EFCAB3: variants seen among roughly 807,000 people sequenced by gnomAD.
EFCAB3 encodes EF-hand calcium binding domain 3.
Under a neutral mutation model 42.2 loss-of-function variants are expected in EFCAB3, and 36 were observed. The observed-to-expected ratio is 0.85, with a 90% CI of 0.65 to 1.13. The LOEUF (loss-of-function observed/expected upper bound fraction) is 1.13, where lower values mean the gene tolerates loss of function less well. Ranked by LOEUF, EFCAB3 falls within the 50% of genes most tolerant of loss-of-function variation. EFCAB3 has a pLI of 0.00. For synonymous variants in EFCAB3, 170 were observed against 172.8 expected (o/e 0.98, Z 0.13); for missense variants, 418 against 505.1 (o/e 0.83, Z 1.65).
intron 2 of EFCAB3, among the ~76,000 whole-genome samples, chr17:62,385,963 G>A (rs1026235026): frequency 2.0e-5 from 3 of 150,672 alleles, no homozygotes; most frequent in African/African-American, 4.9e-5. Flanking sequence ...TCCTGACCTC[G>A]TGATCCACCC....
intron 6 of EFCAB3, among the ~76,000 whole-genome samples, chr17:62,400,332 A>T (rs2070389902): frequency 6.6e-6 from 1 of 151,822 alleles, no homozygotes; most frequent in Non-Finnish European, 1.5e-5. Flanking sequence ...GCACCCATTA[A>T]CTCGTCATTT....
At chr17:62,412,857 T>C (rs1464129622) in intron 8 of EFCAB3, among the ~76,000 whole-genome samples, 1 of 151,776 alleles carries the variant, frequency 6.6e-6, no homozygotes, top group African/African-American at 2.4e-5. Flanking sequence ...AATAGAGCTA[T>C]GTGGAGAATT....
chr17:62,379,726 T>C (rs2144053098), upstream of EFCAB3, among the ~76,000 whole-genome samples: 1 of 152,284 alleles, frequency 6.6e-6, no homozygotes. Flanking sequence ...TACTTAGCCA[T>C]GATAGACTAA....
At chr17:62,395,837 T>G (rs1442978751) in intron 6 of EFCAB3, among the ~76,000 whole-genome samples, 2 of 152,224 alleles carry the variant, frequency 1.3e-5, no homozygotes, top group African/African-American at 2.4e-5. Flanking sequence ...TATCAGTCTT[T>G]TCAATTCATA....
chr17:62,394,252 C>T (rs2144083616), intron 5 of EFCAB3, among the ~76,000 whole-genome samples: 1 of 152,180 alleles, frequency 6.6e-6, no homozygotes, highest in African/African-American at 2.4e-5. Context: ...CACGCCCAGC[C>T]TATAATGTCT....
intron 6 of EFCAB3, among the ~76,000 whole-genome samples, chr17:62,401,748 C>A (rs912854192): frequency 6.6e-6 from 1 of 152,108 alleles, no homozygotes; most frequent in Admixed American, 6.6e-5. Context: ...GTTCTTTTTG[C>A]TTAGGATTGT....
intron 1 of EFCAB3, among the ~76,000 whole-genome samples, chr17:62,372,233 GCCTATATTTTCTT>G (rs1276841447): frequency 1.3e-5 from 2 of 150,882 alleles, no homozygotes; most frequent in African/African-American, 4.9e-5. Flanking sequence ...TTCCTTTTTT[GCCTATATTTTCTT>G]CCTCTTCTCT....
chr17:62,396,778 G>A (rs952274994), intron 6 of EFCAB3, among the ~76,000 whole-genome samples: 6 of 151,586 alleles, frequency 4.0e-5, no homozygotes, highest in African/African-American at 1.5e-4. Flanking sequence ...TGTAGTCCAA[G>A]CTATTCAAGA....
At chr17:62,411,630 G>A (rs923015605) in intron 8 of EFCAB3, among the ~76,000 whole-genome samples, 1 of 152,024 alleles carries the variant, frequency 6.6e-6, no homozygotes, top group Non-Finnish European at 1.5e-5. Flanking sequence ...AGTCAGGCAT[G>A]ATGGCACATG....
upstream of EFCAB3, chr17:62,377,917 T>G: frequency 6.9e-7 from 1 of 1,454,178 alleles, no homozygotes; most frequent in South Asian, 1.3e-5. Flanking sequence ...TAGTCTACTT[T>G]CCATAACTTC....
In EFCAB3 at chr17:62,407,121, A is replaced by G. The variant is rs1215209452; in HGVS notation, c.776A>G (p.Lys259Arg). 6.2e-7 allele frequency: 1 copy of G among 1,613,452 alleles called. No individual in the cohort carries two copies. Among genetic ancestry groups the G allele is most frequent in the South Asian group, 1.1e-5 (1 of 90,894 alleles). Residue 259 changes from lysine (K) to arginine (R), a missense_variant, in exon 8 of 10, where the codon AAA becomes AGA. Lys to Arg is a conservative substitution (Grantham distance 26). Coordinates refer to ENST00000305286, the MANE Select transcript of EFCAB3 (RefSeq NM_173503.4). Reference sequence around the variant, plus strand: ...GGGGTGGTGATGGGAAAGCCATTCAAAGACATGCAGAAATTAGAGATGCTA... The same window carrying G: ...GGGGTGGTGATGGGAAAGCCATTCAGAGACATGCAGAAATTAGAGATGCTA... Reference protein sequence around the residue: ...VDGVVMGKPFKDMQKLEMLRI... With the variant: ...VDGVVMGKPFRDMQKLEMLRI...
rs61764063 is a variant in EFCAB3 at position 62,391,928 on chromosome 17, T to C, written c.258T>C (p.His86=). The C allele has an allele frequency of 9.4e-3, 15,132 of 1,612,536 alleles. 95 individuals are homozygous for C. The highest frequency in any genetic ancestry group is 0.011 in the Non-Finnish European group (12,813 of 1,178,988). ...VAKLGMNLTK[H]DVYNELKCAD... ...AGCTGGGAATGAATCTGACCAAGCATGATGTCTATAATGAATTGAAATGTG... is the reference window on the plus strand; with the variant it reads ...AGCTGGGAATGAATCTGACCAAGCACGATGTCTATAATGAATTGAAATGTG... The change falls in exon 4 of 10, where the codon CAT becomes CAC. Residue 86 remains histidine, a synonymous_variant. Coordinates refer to ENST00000305286, the MANE Select transcript of EFCAB3 (RefSeq NM_173503.4).
chr17:62,385,806 ACCT>A (rs2070244195), intron 2 of EFCAB3, among the ~76,000 whole-genome samples: 1 of 133,880 alleles, frequency 7.5e-6, no homozygotes, highest in South Asian at 2.3e-4. Context: ...TGCAAGCTCC[ACCT>A]CCTGGGTTCA....
At chr17:62,401,316 GC>G (rs2070401314) in intron 6 of EFCAB3, among the ~76,000 whole-genome samples, 1 of 152,070 alleles carries the variant, frequency 6.6e-6, no homozygotes, top group Non-Finnish European at 1.5e-5. Context: ...CTTAATTTTG[GC>G]TTTTGTTGCC....
chr17:62,386,575 A>G (rs79391753), intron 2 of EFCAB3, among the ~76,000 whole-genome samples: 6,014 of 152,294 alleles, frequency 0.039, 387 homozygotes, highest in African/African-American at 0.14. Context: ...AAGGCTGAGA[A>G]TTGGAGCCAG....
At chr17:62,373,854 G>A (rs2144044605) in exon 2 of EFCAB3, 4 of 1,501,846 alleles carry the variant, frequency 2.7e-6, no homozygotes, top group East Asian at 2.5e-5. Flanking sequence ...TGGAGGGCCT[G>A]AAGAAGTTTA....
Position 62,407,106 on chromosome 17 carries a change from T to G in EFCAB3, c.761T>G (p.Met254Arg), listed in dbSNP as rs1299572203. 2 of 1,613,426 alleles carry G rather than the reference T, an allele frequency of 1.2e-6. No homozygotes were observed. Among genetic ancestry groups the G allele is most frequent in the African/African-American group, 2.7e-5 (2 of 74,920 alleles). Residue 254 changes from methionine to arginine, a missense_variant, in exon 8 of 10, where the codon ATG (methionine) becomes AGG (arginine). Coordinates refer to ENST00000305286, the MANE Select transcript of EFCAB3 (RefSeq NM_173503.4). The part of the protein sequence containing the change: ...PLFPNVDGVV[M>R]GKPFKDMQKL... ...TTCCCTAATGTGGATGGGGTGGTGA[T>G]GGGAAAGCCATTCAAAGACATGCAG...
chr17:62,376,663 C>G (rs75752572), upstream of EFCAB3, among the ~76,000 whole-genome samples: 1,142 of 152,156 alleles, frequency 7.5e-3, 45 homozygotes, highest in East Asian at 0.11. Flanking sequence ...TCCATTTCAC[C>G]ATTTCTACTT....
intron 3 of EFCAB3, among the ~76,000 whole-genome samples, chr17:62,391,128 G>A (rs2070299242): frequency 2.0e-5 from 3 of 152,076 alleles, no homozygotes; most frequent in African/African-American, 7.2e-5. Context: ...GTCCAGGTGG[G>A]TACAGCTGGT....
Sources: gnomAD v4.1 joint callset for allele counts (sites outside exome capture counted in the v4.1 genomes callset) on GRCh38, gnomAD v4.1.1 for gene constraint, MANE v1.5 for transcripts, NCBI Gene and HGNC (gene_info 2026-07-23, HGNC 2026-07-21) for gene names.